The following CPNE4 variants were observed in gnomAD, a reference collection of about 807,000 sequenced individuals.
The protein encoded by CPNE4 is copine 4.
In CPNE4, 25 loss-of-function variants were observed where a neutral mutation model predicts 67.9. The ratio of observed to expected loss-of-function variants is 0.37; its 90% CI spans 0.27 to 0.51. The LOEUF is 0.51. Among genes scored for constraint, CPNE4 ranks in the 20% least tolerant of loss-of-function variants. CPNE4 has a pLI of 0.93. For missense variants in CPNE4, 464 were observed against 690.8 expected (o/e 0.67, Z 3.68); for synonymous variants, 242 against 244.9 (o/e 0.99, Z 0.11).
chr3:131,822,229 A>G (rs1318486948), intron 2 of CPNE4, among the ~76,000 whole-genome samples: 3 of 152,190 alleles, frequency 2.0e-5, no homozygotes, highest in Non-Finnish European at 2.9e-5. Context: ...AACAAAAGCT[A>G]TTTGGTCATT....
chr3:131,767,753 C>A (rs73220481), intron 2 of CPNE4, among the ~76,000 whole-genome samples: 9,099 of 149,758 alleles, frequency 0.061, 345 homozygotes, highest in Non-Finnish European at 0.089. Context: ...CCCTGCTACC[C>A]CAAACATTCA....
intron 3 of CPNE4, among the ~76,000 whole-genome samples, chr3:131,717,239 GT>G (rs373100862): frequency 0.11 from 15,268 of 143,330 alleles, 881 homozygotes; most frequent in African/African-American, 0.15. Flanking sequence ...CTCAACAAAG[GT>G]TTTTTTTTTT....
chr3:131,601,027 C>T (rs6778249), intron 7 of CPNE4, among the ~76,000 whole-genome samples: 1 of 152,010 alleles, frequency 6.6e-6, no homozygotes, highest in Admixed American at 6.6e-5. Context: ...AAAGAAGTCA[C>T]TACCTTCAGG....
intron 9 of CPNE4, among the ~76,000 whole-genome samples, chr3:131,576,504 T>A (rs902542244): frequency 9.2e-5 from 14 of 152,158 alleles, no homozygotes; most frequent in African/African-American, 3.4e-4. Flanking sequence ...GATAGTCACA[T>A]AACTGTTTAG....
At chr3:131,739,628 T>C (rs918717076) in intron 2 of CPNE4, among the ~76,000 whole-genome samples, 1 of 152,216 alleles carries the variant, frequency 6.6e-6, no homozygotes, top group East Asian at 1.9e-4. Context: ...TTAAGGATTA[T>C]TTTGTGGATT....
At chr3:131,748,697 T>C (rs2082552008) in intron 2 of CPNE4, among the ~76,000 whole-genome samples, 1 of 152,130 alleles carries the variant, frequency 6.6e-6, no homozygotes, top group Admixed American at 6.6e-5. Context: ...AAATGCCAAA[T>C]GTCAAATTTT....
At chr3:131,885,744 T>C (rs1007982514) in intron 2 of CPNE4, among the ~76,000 whole-genome samples, 3 of 151,876 alleles carry the variant, frequency 2.0e-5, no homozygotes, top group African/African-American at 4.8e-5. Flanking sequence ...CCTGTGTCCA[T>C]GTGATCTCAT....
intron 1 of CPNE4, among the ~76,000 whole-genome samples, chr3:131,955,584 G>A (rs540557348): frequency 1.3e-5 from 2 of 151,918 alleles, no homozygotes; most frequent in East Asian, 3.9e-4. Flanking sequence ...GTTGCCAAAT[G>A]TATAGAAGCA....
chr3:131,625,876 C>T (rs2079061074), intron 7 of CPNE4, among the ~76,000 whole-genome samples: 1 of 152,162 alleles, frequency 6.6e-6, no homozygotes, highest in South Asian at 2.1e-4. Flanking sequence ...TGTCATTTTT[C>T]CAACAGGATG....
chr3:131,817,036 C>G (rs2084769340), intron 2 of CPNE4, among the ~76,000 whole-genome samples: 1 of 152,188 alleles, frequency 6.6e-6, no homozygotes. Context: ...AGTGTTTCTG[C>G]TGTTTTTGAA....
intron 3 of CPNE4, among the ~76,000 whole-genome samples, chr3:131,700,799 G>A (rs1427461813): frequency 6.6e-6 from 1 of 152,044 alleles, no homozygotes; most frequent in African/African-American, 2.4e-5. Flanking sequence ...GCACATGTAT[G>A]TTTATTGTGG....
At chr3:131,590,082 T>C (rs1445209764) in intron 7 of CPNE4, among the ~76,000 whole-genome samples, 1 of 152,146 alleles carries the variant, frequency 6.6e-6, no homozygotes, top group East Asian at 1.9e-4. Flanking sequence ...GGTGAGATTA[T>C]TTATATACGT....
chr3:131,543,040 G>A (rs1935611728), intron 14 of CPNE4: 1 of 455,562 alleles, frequency 2.2e-6, no homozygotes, highest in South Asian at 2.9e-5. Flanking sequence ...CAAAGAAAGA[G>A]CAGCAGGCCA....
chr3:131,630,347 C>A (rs1424813666), intron 7 of CPNE4, among the ~76,000 whole-genome samples: 1 of 152,176 alleles, frequency 6.6e-6, no homozygotes, highest in Non-Finnish European at 1.5e-5. Context: ...CCAATGGCAA[C>A]TGGTACTCTG....
chr3:131,543,212 C>A (rs1051465011), intron 14 of CPNE4: 4 of 161,486 alleles, frequency 2.5e-5, no homozygotes, highest in African/African-American at 9.6e-5. Flanking sequence ...AAAGCTATGA[C>A]ATCCAATACA....
intron 1 of CPNE4, among the ~76,000 whole-genome samples, 166 bp downstream of exon 1, chr3:132,034,401 C>T (rs2074303553): frequency 6.6e-6 from 1 of 152,204 alleles, no homozygotes; most frequent in African/African-American, 2.4e-5. Flanking sequence ...AGATTAAAGA[C>T]GTTGCTTGCT....
intron 2 of CPNE4, among the ~76,000 whole-genome samples, chr3:131,881,237 C>A (rs2087662395): frequency 6.6e-6 from 1 of 152,146 alleles, no homozygotes; most frequent in African/African-American, 2.4e-5. Flanking sequence ...GTGATTGCTG[C>A]TTCTTTACCA....
chr3:131,885,189 A>C (rs2107727745), intron 2 of CPNE4, among the ~76,000 whole-genome samples: 1 of 152,256 alleles, frequency 6.6e-6, no homozygotes, highest in South Asian at 2.1e-4. Flanking sequence ...TCTCAAATGG[A>C]GATGAGGAAC....
chr3:131,550,942 T>C (rs1389922101), intron 13 of CPNE4, among the ~76,000 whole-genome samples: 3 of 152,150 alleles, frequency 2.0e-5, no homozygotes, highest in Non-Finnish European at 4.4e-5. Flanking sequence ...CATTTCATGT[T>C]ATCATTCTGA....
Sources: gnomAD v4.1 joint callset for allele counts (sites outside exome capture counted in the v4.1 genomes callset) on GRCh38, gnomAD v4.1.1 for gene constraint, MANE v1.5 for transcripts, NCBI Gene and HGNC (gene_info 2026-07-23, HGNC 2026-07-21) for gene names.